The following KCNH1 variants were observed in gnomAD, a reference collection of about 807,000 sequenced individuals.
KCNH1 encodes potassium voltage-gated channel subfamily H member 1.
In KCNH1, 27 loss-of-function variants were observed where a neutral mutation model predicts 69.2. The observed-to-expected ratio is 0.39, with a 90% CI of 0.29 to 0.54. The LOEUF is 0.54. Among genes scored for constraint, KCNH1 ranks in the 20% least tolerant of loss-of-function variants. The pLI, the probability that KCNH1 is intolerant of heterozygous loss-of-function variation, is 0.68. For missense variants in KCNH1, 798 were observed against 1,261.6 expected (o/e 0.63, Z 5.57); for synonymous variants, 456 against 487.7 (o/e 0.93, Z 0.86).
At chr1:210,976,540 T>C (rs371324198) in intron 6 of KCNH1, among the ~76,000 whole-genome samples, 1,502 of 143,880 alleles carry the variant, frequency 0.01, 117 homozygotes, top group East Asian at 0.063. Flanking sequence ...CGGAAGTCAG[T>C]GTGGCGATTC....
intron 1 of KCNH1, among the ~76,000 whole-genome samples, chr1:211,121,963 G>A (rs1042752490): frequency 2.0e-5 from 3 of 151,962 alleles, no homozygotes; most frequent in South Asian, 2.1e-4. Flanking sequence ...GTGAAACCCC[G>A]TCTCTACTAA....
At chr1:211,036,762 C>T (rs941627907) in intron 5 of KCNH1, among the ~76,000 whole-genome samples, 1 of 152,164 alleles carries the variant, frequency 6.6e-6, no homozygotes, top group African/African-American at 2.4e-5. Flanking sequence ...TCAGTATGAG[C>T]ATGTGCTTCT....
chr1:210,951,631 T>C (rs1296909997), intron 6 of KCNH1, among the ~76,000 whole-genome samples: 2 of 152,198 alleles, frequency 1.3e-5, no homozygotes, highest in Non-Finnish European at 2.9e-5. Context: ...GAAAAACGTA[T>C]TGGTAATAGG....
chr1:210,730,249 G>T (rs997127677), intron 10 of KCNH1, among the ~76,000 whole-genome samples: 2 of 152,128 alleles, frequency 1.3e-5, no homozygotes, highest in Non-Finnish European at 1.5e-5. Flanking sequence ...GCTGCCTAAG[G>T]CTAGGCAGGA....
chr1:211,083,027 T>G, intron 4 of KCNH1, 129 bp from the exon 5 acceptor site: 1 of 701,068 alleles, frequency 1.4e-6, no homozygotes, highest in Non-Finnish European at 2.4e-6. Context: ...TGAGTCACTC[T>G]GCATCCCTGC....
chr1:210,733,822 G>A (rs927939482), intron 10 of KCNH1, among the ~76,000 whole-genome samples: 1 of 152,136 alleles, frequency 6.6e-6, no homozygotes, highest in African/African-American at 2.4e-5. Context: ...AGAAGGACAA[G>A]GAGAAGGGCA....
At chr1:210,736,755 T>A (rs369740154) in intron 10 of KCNH1, among the ~76,000 whole-genome samples, 11 of 152,192 alleles carry the variant, frequency 7.2e-5, no homozygotes, top group African/African-American at 2.2e-4. Flanking sequence ...TTAGAGCAGC[T>A]GTGGGGAGCC....
intron 7 of KCNH1, among the ~76,000 whole-genome samples, chr1:210,827,200 G>T (rs986322887): frequency 6.6e-6 from 1 of 152,132 alleles, no homozygotes; most frequent in Admixed American, 6.6e-5. Context: ...GCCAGGCGTG[G>T]TGGCGGGTGC....
chr1:210,884,445 C>G (rs1481575826), intron 7 of KCNH1, among the ~76,000 whole-genome samples: 1 of 152,174 alleles, frequency 6.6e-6, no homozygotes, highest in Non-Finnish European at 1.5e-5. Flanking sequence ...CTTTTCAGCT[C>G]TATTTTATAG....
intron 10 of KCNH1, among the ~76,000 whole-genome samples, chr1:210,701,559 G>A (rs905407478): frequency 2.0e-5 from 3 of 152,144 alleles, no homozygotes; most frequent in Admixed American, 2.0e-4. Flanking sequence ...TATTAGCAAT[G>A]CTTGGACAAG....
At chr1:210,967,683 A>G (rs1193014766) in intron 6 of KCNH1, among the ~76,000 whole-genome samples, 1 of 152,082 alleles carries the variant, frequency 6.6e-6, no homozygotes, top group African/African-American at 2.4e-5. Context: ...CCCAATTATT[A>G]GGTTATAAGA....
At chr1:210,833,669 C>A (rs1268454032) in intron 7 of KCNH1, among the ~76,000 whole-genome samples, 2 of 152,066 alleles carry the variant, frequency 1.3e-5, no homozygotes, top group East Asian at 1.9e-4. Context: ...GCAACAAAAG[C>A]CAAAATTGAC....
chr1:210,788,685 C>CTTTTTTTTTTTTTTTTTTTTT (rs139485350), intron 9 of KCNH1, among the ~76,000 whole-genome samples: 2 of 80,712 alleles, frequency 2.5e-5, no homozygotes, highest in African/African-American at 9.9e-5. Flanking sequence ...TAGCTTCTTT[C>CTTTTTTTTTTTTTTTTTTTTT]TTTTTTTTTT....
intron 6 of KCNH1, among the ~76,000 whole-genome samples, chr1:210,955,579 A>C (rs1467610680): frequency 2.0e-5 from 3 of 151,992 alleles, no homozygotes; most frequent in Non-Finnish European, 4.4e-5. Flanking sequence ...TTATTTCAGT[A>C]AGCAGTGGTT....
At chr1:210,856,999 A>C (rs554059130) in intron 7 of KCNH1, among the ~76,000 whole-genome samples, 1 of 150,440 alleles carries the variant, frequency 6.6e-6, no homozygotes, top group African/African-American at 2.4e-5. Context: ...GATAAGTTGG[A>C]TGCACTCTCA....
In KCNH1 at chr1:210,720,949, CT is replaced by C. The variant is rs574049560; in HGVS notation, c.2113-36812del. ...TCTGACATTGATGTTGTCTCTCCCC[CT>C]GTATCTCTTTCTTTTATAACTTTAG... On this transcript the variant is annotated intron_variant, in intron 10 of 10. Coordinates refer to ENST00000271751, the MANE Select transcript of KCNH1 (RefSeq NM_172362.3). Among the ~76,000 whole-genome samples the C allele has an allele frequency of 4.6e-5, 7 of 152,330 alleles. No individual in the cohort carries two copies. The South Asian group carries it at 1.4e-3, about 32-fold the overall frequency.
At chr1:210,940,303 A>G (rs1232427728) in intron 6 of KCNH1, among the ~76,000 whole-genome samples, 2 of 152,238 alleles carry the variant, frequency 1.3e-5, no homozygotes, top group Non-Finnish European at 2.9e-5. Flanking sequence ...TCAGCCACAG[A>G]GAAAACACAG....
intron 7 of KCNH1, among the ~76,000 whole-genome samples, chr1:210,855,216 G>A (rs1181381183): frequency 2.0e-5 from 3 of 152,150 alleles, no homozygotes; most frequent in East Asian, 1.9e-4. Flanking sequence ...GCCAGAAGAA[G>A]AAACCACAAT....
chr1:210,897,884 G>T lies in KCNH1; in HGVS notation c.1462+21756C>A, dbSNP rs555549820. ...CGAGCTGATGCTCCAAGATGGGAAG[G>T]AGACACAAGTCTATGGGCTCTAAGA... On this transcript the variant is annotated intron_variant, in intron 7 of 10. Transcript: ENST00000271751. 2.0e-4 allele frequency among the ~76,000 whole-genome samples: 30 copies of T among 152,298 alleles called. 1 individual carries two copies. In the South Asian group the frequency reaches 5.8e-3, roughly 30 times the overall value.
Sources: allele counts gnomAD v4.1 joint callset (sites outside exome capture counted in the v4.1 genomes callset), GRCh38; gene constraint gnomAD v4.1.1; transcripts MANE v1.5; gene names NCBI Gene and HGNC (gene_info 2026-07-23, HGNC 2026-07-21).